The following EFCAB6 variants were observed in gnomAD, a reference collection of about 807,000 sequenced individuals.
EFCAB6 encodes EF-hand calcium binding domain 6, also known as EF-hand calcium-binding domain-containing protein 6.
Under a neutral mutation model 169.8 loss-of-function variants are expected in EFCAB6, and 156 were observed. That is an observed-to-expected ratio of 0.92 (90% CI 0.81 to 1.05). The LOEUF (loss-of-function observed/expected upper bound fraction) is 1.05, where lower values mean the gene tolerates loss of function less well. Ranked by LOEUF, EFCAB6 falls within the 50% of genes least tolerant of loss-of-function variation. The pLI, the probability that EFCAB6 is intolerant of heterozygous loss-of-function variation, is 0.00. For synonymous variants in EFCAB6, 698 were observed against 676.4 expected (o/e 1.03, Z -0.50); for missense variants, 1,800 against 1,829.1 (o/e 0.98, Z 0.29).
intron 23 of EFCAB6, among the ~76,000 whole-genome samples, chr22:43,597,640 G>A (rs1469965350): frequency 6.6e-6 from 1 of 152,184 alleles, no homozygotes; most frequent in Non-Finnish European, 1.5e-5. Flanking sequence ...ATCCACTGTT[G>A]GTGGTAATGT....
At chr22:43,767,637 C>G (rs1312513968) in intron 4 of EFCAB6, among the ~76,000 whole-genome samples, 1 of 152,212 alleles carries the variant, frequency 6.6e-6, no homozygotes, top group African/African-American at 2.4e-5. Context: ...TATGGCCTCC[C>G]TGCCCGGCAC....
chr22:43,625,029 G>A (rs1227542294), intron 20 of EFCAB6, among the ~76,000 whole-genome samples: 1 of 152,184 alleles, frequency 6.6e-6, no homozygotes, highest in African/African-American at 2.4e-5. Flanking sequence ...GGAAGCAGGT[G>A]TCCAACTTAC....
At chr22:43,640,459 A>G (rs547791064) in intron 17 of EFCAB6, among the ~76,000 whole-genome samples, 40 of 152,134 alleles carry the variant, frequency 2.6e-4, no homozygotes, top group Non-Finnish European at 5.1e-4. Context: ...TTCTGCTCAT[A>G]TGTGGTTTAG....
chr22:43,602,739 C>G (rs1439114337), intron 22 of EFCAB6, among the ~76,000 whole-genome samples: 2 of 152,070 alleles, frequency 1.3e-5, no homozygotes, highest in Non-Finnish European at 2.9e-5. Flanking sequence ...CAGTGCACCT[C>G]TTTTGGAAAC....
intron 17 of EFCAB6, among the ~76,000 whole-genome samples, chr22:43,663,177 C>T (rs2057087830): frequency 6.6e-6 from 1 of 152,226 alleles, no homozygotes; most frequent in African/African-American, 2.4e-5. Context: ...CACTCATCAT[C>T]ATTGTAATTA....
At chr22:43,708,827 A>G (rs567272171) in intron 10 of EFCAB6, among the ~76,000 whole-genome samples, 5 of 152,326 alleles carry the variant, frequency 3.3e-5, no homozygotes, top group African/African-American at 1.2e-4. Flanking sequence ...GGAGAATTGT[A>G]TATAATACAG....
chr22:43,723,999 CACATCCTTATTTTGTTCTCATGA>C (rs1453316223), intron 8 of EFCAB6, among the ~76,000 whole-genome samples: 2 of 152,216 alleles, frequency 1.3e-5, no homozygotes, highest in Non-Finnish European at 2.9e-5. Context: ...GTCACTTAGC[CACATCCTTATTTTGTTCTCATGA>C]ACATGCTTTT....
intron 26 of EFCAB6, among the ~76,000 whole-genome samples, chr22:43,573,091 A>T (rs2049998750): frequency 6.6e-6 from 1 of 152,220 alleles, no homozygotes; most frequent in Non-Finnish European, 1.5e-5. Context: ...TCATCTATCA[A>T]ATCAGCACAT....
At chr22:43,703,295 G>A (rs1483167492) in intron 10 of EFCAB6, among the ~76,000 whole-genome samples, 1 of 152,182 alleles carries the variant, frequency 6.6e-6, no homozygotes, top group Non-Finnish European at 1.5e-5. Flanking sequence ...AGCAAGCTCT[G>A]TCTGCCCATG....
chr22:43,725,028 A>G (rs2059672707), intron 8 of EFCAB6, among the ~76,000 whole-genome samples: 1 of 152,142 alleles, frequency 6.6e-6, no homozygotes, highest in South Asian at 2.1e-4. Flanking sequence ...AGAAAGTCCA[A>G]GGTCAAGGGA....
chr22:43,672,231 G>A lies in EFCAB6; in HGVS notation c.1479+15C>T, dbSNP rs757267605. 6.2e-7 allele frequency: 1 copy of A among 1,614,092 alleles called. No individual in the cohort carries two copies. The highest frequency in any genetic ancestry group is 1.1e-5 in the South Asian group (1 of 91,076). On this transcript the variant is annotated intron_variant, in intron 14 of 31. Transcript: ENST00000262726. ...ATAGGAAGGCATCCACACAAAGAAG[G>A]CAAGTGTTACTTACTGAATCCCAGG...
intron 10 of EFCAB6, among the ~76,000 whole-genome samples, chr22:43,701,298 T>C (rs1248636814): frequency 6.6e-6 from 1 of 152,228 alleles, no homozygotes; most frequent in East Asian, 1.9e-4. Flanking sequence ...CAATATTTCA[T>C]GGTAGAATTC....
chr22:43,628,835 G>A lies in EFCAB6; in HGVS notation c.2233-2156C>T, dbSNP rs895113190. Among the ~76,000 whole-genome samples the A allele has an allele frequency of 6.6e-6, 1 of 152,160 alleles. No homozygotes were observed. Among genetic ancestry groups the A allele is most frequent in the African/African-American group, 2.4e-5 (1 of 41,442 alleles). The stretch of plus-strand genomic sequence containing the variant: ...ACATGTCACCACCTGATCTAGTAGA[G>A]GTTTCTGTGTCCACTGCACTTCCCC... On this transcript the variant is annotated intron_variant, in intron 19 of 31. Transcript: ENST00000262726. This position sits in a 1 kb window ranked among gnomAD's most constrained non-coding sequence, Gnocchi z 4.8.
chr22:43,664,661 G>GA (rs1161934436), intron 17 of EFCAB6, among the ~76,000 whole-genome samples: 3 of 152,224 alleles, frequency 2.0e-5, no homozygotes, highest in Non-Finnish European at 4.4e-5. Context: ...CTTGGCAGAG[G>GA]GCATGGCCAG....
In EFCAB6 at chr22:43,600,209, CA is replaced by C; in HGVS notation, c.2735del (p.Leu912TrpfsTer34). On this transcript the variant is annotated frameshift_variant, in exon 23 of 32. Transcript: ENST00000262726. LOFTEE classifies it high-confidence loss of function. ...GGACAGCAGGCGAATAGTTAATACC[CA>C]ATTTCTGTAAAAATTCCTGGTAAGT... ...HITYQEFLQK[L>X]GINYSPAVHR... The C allele has an allele frequency of 6.2e-7, 1 of 1,614,164 alleles. No homozygotes were observed. Among genetic ancestry groups the C allele is most frequent in the Non-Finnish European group, 8.5e-7 (1 of 1,180,016 alleles).
intron 2 of EFCAB6, among the ~76,000 whole-genome samples, chr22:43,803,419 G>A (rs9614277): frequency 2.0e-5 from 3 of 151,934 alleles, no homozygotes; most frequent in Non-Finnish European, 2.9e-5. Context: ...TTTGATAGTC[G>A]GTTGAAGAAG....
chr22:43,685,298 G>T (rs1377809872), intron 11 of EFCAB6, among the ~76,000 whole-genome samples: 1 of 152,132 alleles, frequency 6.6e-6, no homozygotes, highest in African/African-American at 2.4e-5. Flanking sequence ...GTGCCTGCGA[G>T]GGCGTTTCTG....
intron 17 of EFCAB6, among the ~76,000 whole-genome samples, chr22:43,659,037 C>T (rs532424918): frequency 1.9e-4 from 29 of 152,312 alleles, no homozygotes; most frequent in African/African-American, 6.7e-4. Context: ...CAGGAACTCC[C>T]GCTGTGCCGA....
chr22:43,803,601 T>A (rs922584719), intron 2 of EFCAB6, among the ~76,000 whole-genome samples: 3 of 152,024 alleles, frequency 2.0e-5, no homozygotes, highest in Admixed American at 6.6e-5. Flanking sequence ...GATAAAGGGA[T>A]CAATTCAGCA....
Sources: gnomAD v4.1 joint callset for allele counts (sites outside exome capture counted in the v4.1 genomes callset) on GRCh38, gnomAD v4.1.1 for gene constraint, Gnocchi (gnomAD v3.1) non-coding constraint, MANE v1.5 for transcripts, NCBI Gene and HGNC (gene_info 2026-07-23, HGNC 2026-07-21) for gene names.